HERC5: variants seen among roughly 807,000 people sequenced by gnomAD.
The protein encoded by HERC5 is HECT and RLD domain containing E3 ubiquitin protein ligase 5.
In HERC5, 99 loss-of-function variants were observed where a neutral mutation model predicts 119.6. That is an observed-to-expected ratio of 0.83 (90% CI 0.70 to 0.98). The LOEUF (loss-of-function observed/expected upper bound fraction) is 0.98. HERC5 is among the 50% of genes least tolerant of loss of function. HERC5 has a pLI of 0.00. For missense variants in HERC5, 1,267 were observed against 1,241.3 expected, an observed-to-expected ratio of 1.02 and a Z score of -0.31; for synonymous variants, 478 against 445.9, an observed-to-expected ratio of 1.07 and a Z score of -0.91.
intron 2 of HERC5, 32 bp from the exon 3 acceptor site, chr4:88,460,063 T>C (rs757301857): frequency 2.7e-6 from 3 of 1,131,876 alleles, no homozygotes; most frequent in Non-Finnish European, 2.7e-6. Flanking sequence ...TTCATTATGG[T>C]GATTAACACA....
At chr4:88,502,947 C>T (rs761018066) in intron 20 of HERC5, among the ~76,000 whole-genome samples, 3 of 152,044 alleles carry the variant, frequency 2.0e-5, no homozygotes, top group South Asian at 4.1e-4. Flanking sequence ...TTCTTACATA[C>T]TGTGGCTTGT....
chr4:88,479,413 C>T lies in HERC5; in HGVS notation c.1643C>T (p.Thr548Ile). The change falls in exon 13 of 23, where the codon ACA becomes ATA. Residue 548 changes from threonine (T) to isoleucine (I), a missense_variant. Thr to Ile is a moderately conservative substitution (Grantham distance 89, BLOSUM62 -1). This residue lies in a region of HERC5 where 777 missense variants were observed against 758.0 expected (regional missense o/e 1.03). Transcript: ENST00000264350. ...TFSKLVQMFK[T>I]AVICQLDYWD... ...AGCAAACTGGTCCAGATGTTTAAAA[C>T]AGCCGTCATATGCCAGTTGGATTAC... 6.2e-7 allele frequency: 1 copy of T among 1,612,380 alleles called. No individual in the cohort carries two copies. Among genetic ancestry groups the T allele is most frequent in the South Asian group, 1.1e-5 (1 of 90,914 alleles).
intron 20 of HERC5, among the ~76,000 whole-genome samples, chr4:88,502,777 T>C (rs1201555505): frequency 2.6e-5 from 4 of 152,212 alleles, no homozygotes; most frequent in African/African-American, 9.6e-5. Flanking sequence ...TGATTACTAA[T>C]GTTAAGCACT....
intron 6 of HERC5, 48 bp from the exon 7 acceptor site, chr4:88,467,011 A>G (rs571675016): frequency 6.3e-7 from 1 of 1,592,672 alleles, no homozygotes; most frequent in Admixed American, 1.7e-5. Flanking sequence ...AAACACTCTC[A>G]TCATTGTGGA....
chr4:88,470,783 AT>A (rs966501319), intron 10 of HERC5, 110 bp downstream of exon 10: 25 of 480,852 alleles, frequency 5.2e-5, no homozygotes, highest in Admixed American at 1.5e-4. Context: ...CTTTTTAAAA[AT>A]TTTTTTTAAC....
intron 7 of HERC5, among the ~76,000 whole-genome samples, chr4:88,467,625 A>T (rs1410162462): frequency 2.0e-5 from 3 of 152,238 alleles, no homozygotes; most frequent in Non-Finnish European, 4.4e-5. Flanking sequence ...TGTGCTCAGC[A>T]CTTACTTGTG....
At chr4:88,465,697 C>T (rs1356177670) in intron 6 of HERC5, among the ~76,000 whole-genome samples, 1 of 152,168 alleles carries the variant, frequency 6.6e-6, no homozygotes, top group African/African-American at 2.4e-5. Flanking sequence ...GGGCAATACC[C>T]CTACTAACAG....
intron 12 of HERC5, among the ~76,000 whole-genome samples, chr4:88,478,046 G>T (rs1021386895): frequency 6.6e-6 from 1 of 152,108 alleles, no homozygotes; most frequent in Non-Finnish European, 1.5e-5. Context: ...ATTACATCAA[G>T]TTTGTAGTTG....
Position 88,462,262 on chromosome 4 carries a change from C to G in HERC5, c.594C>G (p.Ala198=), listed in dbSNP as rs762106443. The stretch of plus-strand genomic sequence containing the variant: ...GAGTACCCTTGGCTCAGATTTCTGC[C>G]GGAGAAGCCCACAGCATGGCCTTAT... The part of the protein sequence containing the change: ...LAGVPLAQIS[A]GEAHSMALSM... The change falls in exon 4 of 23, where the codon GCC becomes GCG. Residue 198 remains alanine (A), a synonymous_variant. Transcript: ENST00000264350. 2 of 1,614,104 alleles carry G rather than the reference C, an allele frequency of 1.2e-6. No individual in the cohort carries two copies. Among genetic ancestry groups the G allele is most frequent in the African/African-American group, 1.3e-5 (1 of 75,024 alleles).
chr4:88,487,260 A>G (rs1741498227), intron 15 of HERC5, 81 bp downstream of exon 15: 3 of 733,860 alleles, frequency 4.1e-6, no homozygotes, highest in Non-Finnish European at 6.9e-6. Context: ...GGGGGTGATA[A>G]GAGAACCACC....
chr4:88,462,898 T>A (rs1409145009), intron 4 of HERC5, among the ~76,000 whole-genome samples: 2 of 152,210 alleles, frequency 1.3e-5, no homozygotes, highest in East Asian at 1.9e-4. Flanking sequence ...TTTCTCATGA[T>A]CCCAAACAAC....
chr4:88,466,089 GTT>G (rs1299764703), intron 6 of HERC5, among the ~76,000 whole-genome samples: 16 of 140,524 alleles, frequency 1.1e-4, no homozygotes, highest in South Asian at 9.2e-4. Flanking sequence ...TGGTTTGGTG[GTT>G]TTTTTTTTTT....
At chr4:88,504,749 C>A in intron 22 of HERC5, 152 bp downstream of exon 22, 1 of 431,064 alleles carries the variant, frequency 2.3e-6, no homozygotes, top group East Asian at 3.5e-5. Flanking sequence ...CATCAAAAAA[C>A]AAATGTTAAT....
Position 88,476,814 on chromosome 4 carries a change from G to A in HERC5, c.1582+784G>A, listed in dbSNP as rs559760436. ...TGCATGCCTGTAATCCCAGCTACTC[G>A]GGAGGCTGAGGCAGGAGAATCGCTT... On this transcript the variant is annotated intron_variant, in intron 12 of 22. Coordinates refer to ENST00000264350, the MANE Select transcript of HERC5 (RefSeq NM_016323.4). Among the ~76,000 whole-genome samples, 858 of 151,772 alleles carry A rather than the reference G, an allele frequency of 5.7e-3. 5 individuals carry two copies. The highest frequency in any genetic ancestry group is 9.5e-3 in the Non-Finnish European group (642 of 67,928).
At chr4:88,488,677 T>C (rs1261560495) in intron 15 of HERC5, among the ~76,000 whole-genome samples, 1 of 152,078 alleles carries the variant, frequency 6.6e-6, no homozygotes, top group African/African-American at 2.4e-5. Flanking sequence ...AAATCTCTTG[T>C]CTTGGTTTTT....
Position 88,463,946 on chromosome 4 carries a change from A to G in HERC5, c.872A>G (p.Glu291Gly). 6.2e-7 allele frequency: 1 copy of G among 1,613,862 alleles called. No homozygotes were observed. The highest frequency in any genetic ancestry group is 8.5e-7 in the Non-Finnish European group (1 of 1,179,990). Residue 291 changes from glutamate (E) to glycine (G), a missense_variant, in exon 6 of 23, where the codon GAG (glutamate) becomes GGG (glycine). Physicochemically the swap from Glu to Gly is moderately conservative, Grantham distance 98. Transcript: ENST00000264350. ...GAGCTAAGACCCTGTTTGGTGGCTG[A>G]GCTTGTTGGGTATAGAGTGACTCAG... ...QNELRPCLVA[E>G]LVGYRVTQIA...
intron 9 of HERC5, 141 bp downstream of exon 9, chr4:88,469,401 T>C (rs1740787534): frequency 1.5e-6 from 1 of 673,232 alleles, no homozygotes; most frequent in East Asian, 2.7e-5. Flanking sequence ...TATTTCTGTC[T>C]CTATCTTTAT....
chr4:88,489,758 C>T (rs1020583968), intron 16 of HERC5, among the ~76,000 whole-genome samples: 23 of 152,100 alleles, frequency 1.5e-4, no homozygotes, highest in African/African-American at 3.1e-4. Flanking sequence ...CCTGTAATCC[C>T]GGCGCTTTGG....
intron 11 of HERC5, among the ~76,000 whole-genome samples, chr4:88,474,356 G>A (rs1408733552): frequency 2.0e-5 from 3 of 152,166 alleles, no homozygotes; most frequent in Non-Finnish European, 4.4e-5. Flanking sequence ...AAGGATATTC[G>A]AGGCAGCTAG....
Sources: allele counts gnomAD v4.1 joint callset (sites outside exome capture counted in the v4.1 genomes callset), GRCh38; gene constraint gnomAD v4.1.1; regional missense constraint gnomAD v4.1.1; transcripts MANE v1.5; gene names NCBI Gene and HGNC (gene_info 2026-07-23, HGNC 2026-07-21).